Variants in HCLS1 observed in about 807,000 individuals in gnomAD.
HCLS1 encodes the protein hematopoietic cell-specific Lyn substrate 1.
In HCLS1, 44 loss-of-function variants were observed where a neutral mutation model predicts 68.6. The ratio of observed to expected loss-of-function variants is 0.64; its 90% confidence interval spans 0.50 to 0.82. The LOEUF is 0.82. Among genes scored for constraint, HCLS1 ranks in the 40% least tolerant of loss-of-function variants. The pLI is 0.00. For synonymous variants in HCLS1, 217 were observed against 225.8 expected (o/e 0.96, Z 0.35); for missense variants, 602 against 612.1 (o/e 0.98, Z 0.17).
At chr3:121,657,643 C>T (rs1302951658) in intron 2 of HCLS1, among the ~76,000 whole-genome samples, 1 of 152,086 alleles carries the variant, frequency 6.6e-6, no homozygotes, top group Admixed American at 6.5e-5. Flanking sequence ...TGGTGAAACC[C>T]CATCTCTACC....
intron 13 of HCLS1, 29 bp downstream of exon 13, chr3:121,632,072 C>T: frequency 6.2e-7 from 1 of 1,613,054 alleles, no homozygotes; most frequent in South Asian, 1.1e-5. Flanking sequence ...CCTCCATGTA[C>T]CAGGCTCCTC....
At chr3:121,644,953 A>T (rs1246653655) in intron 4 of HCLS1, 25 bp from the exon 5 acceptor site, 2 of 1,531,112 alleles carry the variant, frequency 1.3e-6, no homozygotes, top group Admixed American at 3.3e-5. Flanking sequence ...GGATGGAGTG[A>T]GTGAAAAGAT....
Position 121,644,853 on chromosome 3 carries a change from C to G in HCLS1, c.364G>C (p.Gly122Arg). ...SQTDAAKGFG[G>R]KYGVERDRAD... The stretch of plus-strand genomic sequence containing the variant: ...CTGTCCCTCTCAACTCCGTACTTGC[C>G]CCCAAAGCCTTTGGCAGCATCCGTC... The change falls in exon 5 of 14, where the codon GGC (glycine) becomes CGC (arginine). Residue 122 changes from glycine to arginine, a missense_variant. Gly to Arg is a moderately radical substitution (Grantham distance 125). Coordinates refer to ENST00000314583, the MANE Select transcript of HCLS1 (RefSeq NM_005335.6). 2 of 1,614,022 alleles carry G rather than the reference C, an allele frequency of 1.2e-6. No homozygotes were observed. Among genetic ancestry groups the G allele is most frequent in the Non-Finnish European group, 1.7e-6 (2 of 1,179,922 alleles).
At chr3:121,657,422 G>A (rs1937896860) in intron 2 of HCLS1, 70 bp from the exon 3 acceptor site, 1 of 1,362,282 alleles carries the variant, frequency 7.3e-7, no homozygotes, top group African/African-American at 1.4e-5. Context: ...CCACCCAACT[G>A]ACACATGCCC....
Position 121,634,320 on chromosome 3 carries a change from T to G in HCLS1, c.790A>C (p.Arg264=), listed in dbSNP as rs1392681339. ...GTCACAGCCTTTCGCTCCTGTTGCC[T>G]CCTGGCCACCTGCTGTGCCTTCTCC... ...EEEKAQQVAR[R]QQERKAVTKR... The change falls in exon 10 of 14, where the codon AGG becomes CGG. Residue 264 remains arginine, a synonymous_variant. Coordinates refer to ENST00000314583, the MANE Select transcript of HCLS1 (RefSeq NM_005335.6). The G allele has an allele frequency of 6.2e-7, 1 of 1,614,170 alleles. No homozygotes were observed.
intron 6 of HCLS1, among the ~76,000 whole-genome samples, chr3:121,639,778 G>T (rs1218609941): frequency 6.6e-6 from 1 of 152,210 alleles, no homozygotes; most frequent in African/African-American, 2.4e-5. Flanking sequence ...GTAGTGTTCA[G>T]AGGGAAATGT....
At chr3:121,640,198 C>T (rs972996581) in intron 6 of HCLS1, among the ~76,000 whole-genome samples, 3 of 151,836 alleles carry the variant, frequency 2.0e-5, no homozygotes, top group African/African-American at 7.3e-5. Flanking sequence ...CACAACATAC[C>T]ATAACCAACT....
intron 3 of HCLS1, among the ~76,000 whole-genome samples, chr3:121,647,885 G>A (rs906388303): frequency 1.3e-5 from 2 of 152,136 alleles, no homozygotes; most frequent in Non-Finnish European, 2.9e-5. Context: ...GTCTACACCA[G>A]GGAAATGATT....
intron 3 of HCLS1, among the ~76,000 whole-genome samples, chr3:121,652,894 A>T: frequency 6.6e-6 from 1 of 152,214 alleles, no homozygotes; most frequent in South Asian, 2.1e-4. Flanking sequence ...GGACATGACG[A>T]TATTATGTTT....
At chr3:121,633,690 A>G (rs539552696) in intron 10 of HCLS1, among the ~76,000 whole-genome samples, 2 of 152,178 alleles carry the variant, frequency 1.3e-5, no homozygotes, top group African/African-American at 2.4e-5. Context: ...GGCACACACC[A>G]CCATGCCCAG....
chr3:121,650,377 T>C (rs1937723512), intron 3 of HCLS1, among the ~76,000 whole-genome samples: 1 of 151,904 alleles, frequency 6.6e-6, no homozygotes, highest in Non-Finnish European at 1.5e-5. Context: ...TTGTTTCTTT[T>C]TTTTTTTTTA....
chr3:121,659,290 T>C (rs1286826657), intron 1 of HCLS1, among the ~76,000 whole-genome samples: 2 of 152,178 alleles, frequency 1.3e-5, no homozygotes, highest in Non-Finnish European at 2.9e-5. Context: ...GCTCTGCATC[T>C]GTGGATTTGG....
At chr3:121,656,902 A>G (rs1269909587) in intron 3 of HCLS1, 1 of 172,252 alleles carries the variant, frequency 5.8e-6, no homozygotes, top group Admixed American at 6.0e-5. Flanking sequence ...GAAGAGATAG[A>G]TAGGAGATAG....
intron 4 of HCLS1, 31 bp downstream of exon 4, chr3:121,647,288 T>A: frequency 1.2e-6 from 2 of 1,612,480 alleles, no homozygotes; most frequent in Non-Finnish European, 1.7e-6. Context: ...GCTTGTATTT[T>A]TTTAAAGCAA....
chr3:121,641,358 T>C (rs986337978), intron 6 of HCLS1, among the ~76,000 whole-genome samples: 2 of 152,192 alleles, frequency 1.3e-5, no homozygotes, highest in Non-Finnish European at 2.9e-5. Context: ...TTTCAAAGAC[T>C]GAAAGTTCTT....
chr3:121,657,400 CATTGAG>C, intron 2 of HCLS1, 48 bp from the exon 3 acceptor site: 1 of 1,576,396 alleles, frequency 6.3e-7, no homozygotes, highest in Non-Finnish European at 8.7e-7. Context: ...AAATGTGCCA[CATTGAG>C]AAGGGCCACC....
chr3:121,631,678 G>A lies in HCLS1; in HGVS notation c.*168C>T, dbSNP rs986854683. The A allele has an allele frequency of 1.5e-5, 10 of 649,144 alleles. No homozygotes were observed. Among genetic ancestry groups the A allele is most frequent in the Non-Finnish European group, 2.4e-5 (9 of 379,976 alleles). 40.2% of individuals were successfully genotyped at this position (649,144 alleles called of 1,614,324 possible). On this transcript the variant is annotated 3_prime_UTR_variant, in exon 14 of 14. Transcript: ENST00000314583. The stretch of plus-strand genomic sequence containing the variant: ...GATAGAGAGGACTCTTGGGGAAGGG[G>A]ACCTCCTTCCCCATGCTGTCTCTGC...
chr3:121,647,865 A>G (rs1182402533), intron 3 of HCLS1, among the ~76,000 whole-genome samples: 1 of 152,158 alleles, frequency 6.6e-6, no homozygotes. Flanking sequence ...TACACATTCT[A>G]GTTTTAGCAG....
At chr3:121,659,965 T>C (rs1022076481) in intron 1 of HCLS1, among the ~76,000 whole-genome samples, 1 of 152,188 alleles carries the variant, frequency 6.6e-6, no homozygotes, top group Non-Finnish European at 1.5e-5. Context: ...ATCCTTGACC[T>C]ATTGACCAGA....
Sources: allele counts gnomAD v4.1 joint callset (sites outside exome capture counted in the v4.1 genomes callset), GRCh38; gene constraint gnomAD v4.1.1; transcripts MANE v1.5; gene names NCBI Gene and HGNC (gene_info 2026-07-23, HGNC 2026-07-21).